Variants in TSPAN15 observed in about 807,000 individuals in gnomAD.
TSPAN15 encodes the protein tetraspanin-15.
In TSPAN15, 20 loss-of-function variants were observed where a neutral mutation model predicts 34.5. That is an observed-to-expected ratio of 0.58 (90% confidence interval 0.41 to 0.84). The LOEUF (loss-of-function observed/expected upper bound fraction) is 0.84. Ranked by LOEUF, TSPAN15 falls within the 40% of genes least tolerant of loss-of-function variation. The pLI is 0.00. For synonymous variants in TSPAN15, 155 were observed against 153.9 expected (o/e 1.01, Z -0.05); for missense variants, 313 against 386.1 (o/e 0.81, Z 1.59).
At chr10:69,479,091 A>T (rs946918302) in intron 1 of TSPAN15, among the ~76,000 whole-genome samples, 1 of 152,212 alleles carries the variant, frequency 6.6e-6, no homozygotes, top group African/African-American at 2.4e-5. Context: ...TCCCTTCTCA[A>T]TAGTCTTCTG....
At chr10:69,501,348 G>A (rs1273035474) in intron 5 of TSPAN15, among the ~76,000 whole-genome samples, 3 of 152,186 alleles carry the variant, frequency 2.0e-5, no homozygotes, top group Non-Finnish European at 4.4e-5. Context: ...GCCTTCCCCT[G>A]GCCGGGGTTA....
At chr10:69,548,626 C>T in the TSPAN15 span, among the ~76,000 whole-genome samples, 1 of 151,964 alleles carries the variant, frequency 6.6e-6, no homozygotes, top group African/African-American at 2.4e-5. Flanking sequence ...GTTGAGGATA[C>T]AAAGAAGAGA....
chr10:69,485,718 GT>G (rs1365590016), intron 3 of TSPAN15, among the ~76,000 whole-genome samples: 66 of 152,274 alleles, frequency 4.3e-4, no homozygotes, highest in African/African-American at 1.5e-3. Flanking sequence ...TGGCTGCTGA[GT>G]TGGGGAATGG....
chr10:69,463,808 CAA>C (rs56064605), intron 1 of TSPAN15, among the ~76,000 whole-genome samples: 9 of 116,930 alleles, frequency 7.7e-5, no homozygotes, highest in Admixed American at 9.0e-5. Context: ...GACTCCGTCT[CAA>C]AAAAAAAAAA....
intron 4 of TSPAN15, among the ~76,000 whole-genome samples, chr10:69,496,399 G>A (rs998111912): frequency 6.6e-6 from 1 of 151,186 alleles, no homozygotes; most frequent in Non-Finnish European, 1.5e-5. Flanking sequence ...CTGCTGTCCT[G>A]GGTGGCTTTT....
At chr10:69,504,511 T>C (rs1842283617) in intron 6 of TSPAN15, 26 bp downstream of exon 6, 2 of 1,612,922 alleles carry the variant, frequency 1.2e-6, no homozygotes, top group Non-Finnish European at 1.7e-6. Flanking sequence ...TGCCTTTCCC[T>C]GGAAATGTTG....
At chr10:69,473,413 T>C (rs1841546906) in intron 1 of TSPAN15, among the ~76,000 whole-genome samples, 1 of 152,120 alleles carries the variant, frequency 6.6e-6, no homozygotes, top group Non-Finnish European at 1.5e-5. Flanking sequence ...GGGAAGGCAT[T>C]GCTGTCCGCT....
chr10:69,503,705 G>A (rs1842259082), intron 5 of TSPAN15, among the ~76,000 whole-genome samples: 1 of 152,156 alleles, frequency 6.6e-6, no homozygotes, highest in African/African-American at 2.4e-5. Context: ...TGGGGGGGAC[G>A]GTCATGGGCT....
the TSPAN15 span, among the ~76,000 whole-genome samples, chr10:69,529,606 T>C: frequency 6.8e-6 from 1 of 147,870 alleles, no homozygotes; most frequent in African/African-American, 2.5e-5. Flanking sequence ...CAAAACAATG[T>C]TTCTCATTGT....
chr10:69,487,136 C>G (rs1387834717), intron 3 of TSPAN15, among the ~76,000 whole-genome samples: 2 of 152,018 alleles, frequency 1.3e-5, no homozygotes, highest in Admixed American at 6.5e-5. Flanking sequence ...TTGTGGCCAA[C>G]TAAACAGACT....
the TSPAN15 span, among the ~76,000 whole-genome samples, chr10:69,516,121 A>C: frequency 3.3e-5 from 5 of 152,228 alleles, no homozygotes; most frequent in Non-Finnish European, 7.3e-5. Context: ...GTAGCAACCA[A>C]GGTTACTGTT....
At chr10:69,464,465 C>T (rs1338064986) in intron 1 of TSPAN15, among the ~76,000 whole-genome samples, 1 of 152,202 alleles carries the variant, frequency 6.6e-6, no homozygotes, top group African/African-American at 2.4e-5. Context: ...GGGCCATGCC[C>T]TACTGCTGGT....
At chr10:69,525,228 T>A in the TSPAN15 span, among the ~76,000 whole-genome samples, 1,099 of 148,168 alleles carry the variant, frequency 7.4e-3, 64 homozygotes, top group African/African-American at 0.026. Context: ...AACCTCTGTA[T>A]TTTTAGAGTT....
intron 1 of TSPAN15, among the ~76,000 whole-genome samples, chr10:69,452,183 G>A (rs943277417): frequency 6.6e-5 from 10 of 152,316 alleles, no homozygotes; most frequent in Admixed American, 2.0e-4. Flanking sequence ...CCTCTTTGGT[G>A]GATGCACGTG....
Position 69,506,424 on chromosome 10 carries a change from C to T in TSPAN15, c.735+184C>T, listed in dbSNP as rs867917029. 1.2e-4 allele frequency: 76 copies of T among 612,266 alleles called. No individual in the cohort carries two copies. The Middle Eastern group carries it at 1.4e-3, about 12-fold the overall frequency. 37.9% of individuals were successfully genotyped at this position (612,266 alleles called of 1,614,324 possible). ...CGTGGCGAAGCTCTTCCAAGTGCTG[C>T]GCAGGCACTGCTGCTTCACTTCTTT... On this transcript the variant is annotated intron_variant, in intron 7 of 7. Coordinates refer to ENST00000373290, the MANE Select transcript of TSPAN15 (RefSeq NM_012339.5). The surrounding 1 kb of genome is among the most constrained non-coding windows in gnomAD (Gnocchi z 4.7).
chr10:69,545,400 C>G, the TSPAN15 span, among the ~76,000 whole-genome samples: 44,143 of 152,050 alleles, frequency 0.29, 6,537 homozygotes, highest in East Asian at 0.3. Flanking sequence ...ATGCGGGTTT[C>G]ATCCAGAGAC....
the TSPAN15 span, among the ~76,000 whole-genome samples, chr10:69,530,810 CTCTCTCTCTCTATATATATATATATA>C: frequency 5.8e-5 from 4 of 68,636 alleles, no homozygotes; most frequent in South Asian, 5.6e-4. Context: ...CTCTCTCTCT[CTCTCTCTCTCTATATATATATATATA>C]TATATATATA....
At position 69,506,336 on chromosome 10, in the gene TSPAN15, A is replaced by T; in HGVS notation, c.735+96A>T. 8.1e-7 allele frequency: 1 copy of T among 1,230,718 alleles called. No homozygotes were observed. Among genetic ancestry groups the T allele is most frequent in the South Asian group, 1.3e-5 (1 of 75,574 alleles). The allele number at this position is 1,230,718 out of a possible 1,614,324, so 76.2% of individuals were successfully genotyped here. ...AAGAGCGAAGAGGCTTTTTTCATAGAAGTCCAGGACTTGCCTGGGGAGGGC... is the reference window on the plus strand; with the variant it reads ...AAGAGCGAAGAGGCTTTTTTCATAGTAGTCCAGGACTTGCCTGGGGAGGGC... On this transcript the variant is annotated intron_variant, in intron 7 of 7. Coordinates refer to ENST00000373290, the MANE Select transcript of TSPAN15 (RefSeq NM_012339.5). This position sits in a 1 kb window ranked among gnomAD's most constrained non-coding sequence, Gnocchi z 4.7.
intron 1 of TSPAN15, among the ~76,000 whole-genome samples, chr10:69,472,181 C>T (rs560596586): frequency 1.3e-5 from 2 of 152,170 alleles, no homozygotes; most frequent in Admixed American, 6.5e-5. Context: ...CCTCCCTGTT[C>T]GCCTCCCCTT....
Sources: gnomAD v4.1 joint callset for allele counts (sites outside exome capture counted in the v4.1 genomes callset) on GRCh38, gnomAD v4.1.1 for gene constraint, Gnocchi (gnomAD v3.1) non-coding constraint, MANE v1.5 for transcripts, NCBI Gene and HGNC (gene_info 2026-07-23, HGNC 2026-07-21) for gene names.